SUPT3H: variants seen among roughly 807,000 people sequenced by gnomAD.
SUPT3H encodes SPT3 homolog, SAGA and STAGA complex component.
SUPT3H carries 44 observed loss-of-function variants against 44.3 expected under a neutral mutation model. The observed-to-expected ratio is 0.99, with a 90% confidence interval of 0.78 to 1.28. SUPT3H has a LOEUF of 1.28. Among genes scored for constraint, SUPT3H ranks in the 50% most tolerant of loss-of-function variants. The probability of loss-of-function intolerance (pLI) is 0.00; values close to 1 mark genes in which losing one functional copy is unlikely to be tolerated. For missense variants in SUPT3H, 380 were observed against 387.1 expected (o/e 0.98, Z 0.15); for synonymous variants, 124 against 125.6 (o/e 0.99, Z 0.09).
chr6:45,163,374 G>T (rs766435040), intron 2 of SUPT3H, among the ~76,000 whole-genome samples: 3 of 152,006 alleles, frequency 2.0e-5, no homozygotes, highest in Non-Finnish European at 4.4e-5. Context: ...CAAGAATACA[G>T]CCAGTTAAAA....
intron 2 of SUPT3H, among the ~76,000 whole-genome samples, chr6:45,162,604 C>T (rs1455664133): frequency 1.3e-5 from 2 of 152,012 alleles, no homozygotes; most frequent in South Asian, 2.1e-4. Context: ...TATTTAAGGC[C>T]ATGTGCTAAC....
At chr6:45,068,438 A>T (rs1793794149) in intron 3 of SUPT3H, among the ~76,000 whole-genome samples, 1 of 151,272 alleles carries the variant, frequency 6.6e-6, no homozygotes, top group East Asian at 2.0e-4. Context: ...CAATGTGCAC[A>T]TGTACCCTAA....
At chr6:45,179,111 A>G (rs1361651061) in intron 2 of SUPT3H, among the ~76,000 whole-genome samples, 1 of 152,178 alleles carries the variant, frequency 6.6e-6, no homozygotes, top group African/African-American at 2.4e-5. Flanking sequence ...CTCTACGCAA[A>G]TAAACTAGAA....
intron 9 of SUPT3H, among the ~76,000 whole-genome samples, chr6:44,945,206 C>T (rs989887471): frequency 1.3e-5 from 2 of 152,108 alleles, no homozygotes; most frequent in African/African-American, 4.8e-5. Context: ...AGTGTTTGTT[C>T]CGACTACTCC....
At chr6:45,252,765 T>C (rs975295851) in intron 2 of SUPT3H, among the ~76,000 whole-genome samples, 1 of 152,174 alleles carries the variant, frequency 6.6e-6, no homozygotes, top group Non-Finnish European at 1.5e-5. Context: ...CAGTCATATT[T>C]AGTGGTAGAG....
chr6:44,988,789 G>A (rs931167637), intron 6 of SUPT3H, among the ~76,000 whole-genome samples: 5 of 151,988 alleles, frequency 3.3e-5, no homozygotes, highest in Non-Finnish European at 7.4e-5. Flanking sequence ...ATCAATATAT[G>A]CTTCCACTAA....
chr6:45,328,210 C>T lies in SUPT3H; in HGVS notation c.101+36991G>A, dbSNP rs1473090700. ...GGGAAAAGCCACAGTGGTAGGCAGTCCCACTTTACTTAAGAGTACTGTGAG... is the reference window on the plus strand; with the variant it reads ...GGGAAAAGCCACAGTGGTAGGCAGTTCCACTTTACTTAAGAGTACTGTGAG... On this transcript the variant is annotated intron_variant, in intron 2 of 10. Coordinates refer to ENST00000371459, the MANE Select transcript of SUPT3H (RefSeq NM_003599.4). 27 of 1,159,944 alleles carry T rather than the reference C, an allele frequency of 2.3e-5. No homozygotes were observed. The East Asian group carries it at 5.1e-4, about 22-fold the overall frequency. The allele number at this position is 1,159,944 out of a possible 1,614,324, so 71.9% of individuals were successfully genotyped here.
rs1435667020 is a variant in SUPT3H, at chr6:45,217,296, G to A, written c.102-111290C>T. 2.6e-5 allele frequency among the ~76,000 whole-genome samples: 4 copies of A among 151,732 alleles called. No homozygotes were observed. The East Asian group carries it at 5.9e-4, about 22-fold the overall frequency. On this transcript the variant is annotated intron_variant, in intron 2 of 10. Coordinates refer to ENST00000371459, the MANE Select transcript of SUPT3H (RefSeq NM_003599.4). ...CCAAGACCAACCTGACCAACATGAT[G>A]AAACCCCATCTCTACTAAAACTACA... is the stretch of plus-strand genomic sequence containing the variant.
At chr6:45,244,521 A>C (rs1004689410) in intron 2 of SUPT3H, among the ~76,000 whole-genome samples, 3 of 152,182 alleles carry the variant, frequency 2.0e-5, no homozygotes, top group African/African-American at 2.4e-5. Flanking sequence ...CATTTTAAAC[A>C]AACAACCCCA....
chr6:45,219,499 A>G (rs1765641782), intron 2 of SUPT3H, among the ~76,000 whole-genome samples: 1 of 152,212 alleles, frequency 6.6e-6, no homozygotes, highest in African/African-American at 2.4e-5. Context: ...GAATACTACA[A>G]ACAACTTTAG....
chr6:44,938,457 T>C (rs1419416573), intron 9 of SUPT3H, among the ~76,000 whole-genome samples: 1 of 152,216 alleles, frequency 6.6e-6, no homozygotes. Context: ...ATCAGTACCA[T>C]GCTGTTTTGT....
intron 3 of SUPT3H, among the ~76,000 whole-genome samples, chr6:45,053,673 C>A (rs1205847327): frequency 7.1e-6 from 1 of 141,630 alleles, no homozygotes; most frequent in Non-Finnish European, 1.5e-5. Flanking sequence ...CCGAAGCAGG[C>A]GGATCACCAG....
intron 3 of SUPT3H, among the ~76,000 whole-genome samples, chr6:45,049,044 CA>C (rs566644155): frequency 5.9e-4 from 90 of 152,064 alleles, no homozygotes; most frequent in African/African-American, 1.9e-3. Context: ...CTTCTCACTA[CA>C]AAAAAATTAA....
intron 10 of SUPT3H, among the ~76,000 whole-genome samples, chr6:44,917,370 C>T (rs1310903434): frequency 6.6e-6 from 1 of 152,132 alleles, no homozygotes; most frequent in African/African-American, 2.4e-5. Flanking sequence ...CATGTTTACA[C>T]ACATATACGT....
intron 3 of SUPT3H, among the ~76,000 whole-genome samples, chr6:45,036,980 T>A (rs539618663): frequency 9.9e-5 from 15 of 152,226 alleles, no homozygotes; most frequent in African/African-American, 3.6e-4. Context: ...AGGAGAGGTA[T>A]TCCCCAAAAA....
intron 6 of SUPT3H, among the ~76,000 whole-genome samples, chr6:44,975,146 G>A (rs1778143673): frequency 6.8e-6 from 1 of 147,174 alleles, no homozygotes; most frequent in Non-Finnish European, 1.5e-5. Context: ...ACTCCAGCCT[G>A]GGTGACACAG....
intron 2 of SUPT3H, among the ~76,000 whole-genome samples, chr6:45,280,001 T>C (rs774569454): frequency 6.6e-6 from 1 of 152,206 alleles, no homozygotes; most frequent in Non-Finnish European, 1.5e-5. Context: ...TTTTGAGTCA[T>C]TTTAACTCCA....
intron 11 of SUPT3H, among the ~76,000 whole-genome samples, chr6:44,821,575 A>G (rs1354335616): frequency 6.6e-6 from 1 of 152,168 alleles, no homozygotes; most frequent in Admixed American, 6.5e-5. Flanking sequence ...GTGGGAGGAA[A>G]TAGCCTATCC....
At position 44,827,351 on chromosome 6, in the gene SUPT3H, C is replaced by T. The variant is rs970716566; in HGVS notation, c.*2465G>A. On this transcript the variant is annotated 3_prime_UTR_variant, in exon 11 of 11. Coordinates refer to ENST00000371459, the MANE Select transcript of SUPT3H (RefSeq NM_003599.4). ...TCTAGGATAAATATGCCATAAAACCCCAACATGTCTTAGTAATATTCTTAT... is the reference window on the plus strand; with the variant it reads ...TCTAGGATAAATATGCCATAAAACCTCAACATGTCTTAGTAATATTCTTAT... 1.3e-5 allele frequency among the ~76,000 whole-genome samples: 2 copies of T among 151,936 alleles called. No individual in the cohort carries two copies. Among genetic ancestry groups the T allele is most frequent in the African/African-American group, 4.8e-5 (2 of 41,386 alleles).
Sources: gnomAD v4.1 joint callset for allele counts (sites outside exome capture counted in the v4.1 genomes callset) on GRCh38, gnomAD v4.1.1 for gene constraint, MANE v1.5 for transcripts, NCBI Gene and HGNC (gene_info 2026-07-23, HGNC 2026-07-21) for gene names.